The following CAB39L variants were observed in gnomAD, a reference collection of about 807,000 sequenced individuals.
CAB39L encodes calcium-binding protein 39-like.
A neutral mutation model predicts 39.1 loss-of-function variants in CAB39L; 23 were observed. The ratio of observed to expected loss-of-function variants is 0.59; its 90% CI spans 0.42 to 0.83. CAB39L has a LOEUF of 0.83. Among genes scored for constraint, CAB39L ranks in the 40% least tolerant of loss-of-function variants. The pLI, the probability that CAB39L is intolerant of heterozygous loss-of-function variation, is 0.00. For missense variants in CAB39L, 366 were observed against 391.9 expected (o/e 0.93, Z 0.56); for synonymous variants, 126 against 137.2 (o/e 0.92, Z 0.57).
At chr13:49,410,773 A>G (rs1193400204) in intron 3 of CAB39L, among the ~76,000 whole-genome samples, 2 of 152,248 alleles carry the variant, frequency 1.3e-5, no homozygotes, top group Non-Finnish European at 2.9e-5. Flanking sequence ...TAGCATTTGC[A>G]ATATAACATA....
At position 49,332,049 on chromosome 13, in the gene CAB39L, G is replaced by A; in HGVS notation, c.732C>T (p.Ile244=). The A allele has an allele frequency of 3.1e-6, 5 of 1,614,114 alleles. No individual in the cohort carries two copies. Among genetic ancestry groups the A allele is most frequent in the South Asian group, 1.1e-5 (1 of 91,082 alleles). ...CCGGCTTGCTGATATACTTTGTCAT[G>A]ATGGCAAAGTTGTGACGGTCCAGGA... ...ELILDRHNFA[I]MTKYISKPEN... is the part of the protein sequence containing the mutation. Residue 244 remains isoleucine, a synonymous_variant, in exon 10 of 11, where the codon ATC becomes ATT. Transcript: ENST00000409308.
chr13:49,393,788 T>C (rs925529671), intron 3 of CAB39L, among the ~76,000 whole-genome samples: 3 of 151,928 alleles, frequency 2.0e-5, no homozygotes, highest in Non-Finnish European at 4.4e-5. Flanking sequence ...CAATCAAATG[T>C]CCAAAAAAAT....
At chr13:49,407,542 C>CA (rs1274682936) in intron 3 of CAB39L, among the ~76,000 whole-genome samples, 2 of 151,634 alleles carry the variant, frequency 1.3e-5, no homozygotes, top group Non-Finnish European at 2.9e-5. Flanking sequence ...GATCCCCCCC[C>CA]AAAAAAATCA....
At chr13:49,384,213 T>G (rs7991646) in intron 3 of CAB39L, among the ~76,000 whole-genome samples, 81,349 of 152,082 alleles carry the variant, frequency 0.53, 23,056 homozygotes, top group African/African-American at 0.7. Flanking sequence ...CAGGAGTAGA[T>G]TCCATCTTAA....
intron 9 of CAB39L, among the ~76,000 whole-genome samples, chr13:49,336,164 C>G (rs1954841697): frequency 6.6e-6 from 1 of 150,580 alleles, no homozygotes; most frequent in Non-Finnish European, 1.5e-5. Flanking sequence ...ATTTAATGAG[C>G]TCTATGTTTA....
intron 5 of CAB39L, among the ~76,000 whole-genome samples, chr13:49,368,851 T>C (rs751624816): frequency 2.0e-5 from 3 of 152,058 alleles, no homozygotes; most frequent in Non-Finnish European, 4.4e-5. Context: ...ACCAGAATGA[T>C]TGCTGAAAAA....
At chr13:49,313,256 C>A (rs555357619) in intron 10 of CAB39L, among the ~76,000 whole-genome samples, 1 of 152,038 alleles carries the variant, frequency 6.6e-6, no homozygotes. Flanking sequence ...CCGAGGTGGG[C>A]GGATCACGAA....
intron 3 of CAB39L, among the ~76,000 whole-genome samples, chr13:49,384,192 T>C (rs1956307040): frequency 6.6e-6 from 1 of 152,186 alleles, no homozygotes; most frequent in Non-Finnish European, 1.5e-5. Flanking sequence ...TTGTTGTCAT[T>C]TCATCTTCAG....
chr13:49,401,005 GAAAC>G (rs1257817032), intron 3 of CAB39L: 1 of 152,050 alleles, frequency 6.6e-6, no homozygotes, highest in Non-Finnish European at 1.5e-5. Flanking sequence ...TATGCACAAA[GAAAC>G]AAGGTAACAG....
At chr13:49,440,588 T>C (rs981503308) in intron 1 of CAB39L, among the ~76,000 whole-genome samples, 5 of 152,026 alleles carry the variant, frequency 3.3e-5, no homozygotes, top group South Asian at 2.1e-4. Flanking sequence ...TCTAATGATA[T>C]TGATTCTTCC....
rs566313228 is a variant in CAB39L at position 49,395,209 on chromosome 13, G to A, written c.-31-12268C>T. ...CTTTTTTTTTTAAGTTCAAACTGTG[G>A]AATATCTGATTGTCATGTCTTTTCT... On this transcript the variant is annotated intron_variant, in intron 3 of 10. Coordinates refer to ENST00000409308, the MANE Select transcript of CAB39L (RefSeq NM_001079670.3). 7.6e-4 allele frequency among the ~76,000 whole-genome samples: 115 copies of A among 150,500 alleles called. 1 individual carries two copies. The highest frequency in any genetic ancestry group is 9.3e-4 in the Non-Finnish European group (63 of 67,600).
At chr13:49,385,509 T>G (rs1002172502) in intron 3 of CAB39L, among the ~76,000 whole-genome samples, 12 of 152,256 alleles carry the variant, frequency 7.9e-5, no homozygotes, top group Admixed American at 2.0e-4. Flanking sequence ...ATCCACAGCT[T>G]GGCTAACTTA....
At chr13:49,319,566 T>C (rs1003138684) in intron 10 of CAB39L, among the ~76,000 whole-genome samples, 1 of 151,944 alleles carries the variant, frequency 6.6e-6, no homozygotes, top group Non-Finnish European at 1.5e-5. Flanking sequence ...TACTGAATTG[T>C]ACACTTTAAA....
chr13:49,354,730 G>A (rs189401068), intron 6 of CAB39L, among the ~76,000 whole-genome samples: 113 of 152,278 alleles, frequency 7.4e-4, no homozygotes, highest in Non-Finnish European at 1.0e-4. Flanking sequence ...CTGTGTCAGT[G>A]TGGAGAAGGC....
intron 1 of CAB39L, among the ~76,000 whole-genome samples, chr13:49,441,788 A>T (rs1398231788): frequency 1.3e-5 from 2 of 152,180 alleles, no homozygotes; most frequent in Non-Finnish European, 2.9e-5. Flanking sequence ...GAGATACCCC[A>T]TCATACCTCA....
At chr13:49,359,607 C>T in intron 6 of CAB39L, 107 bp downstream of exon 6, 3 of 609,190 alleles carry the variant, frequency 4.9e-6, no homozygotes, top group Admixed American at 2.7e-5. Flanking sequence ...AATACCTTTA[C>T]TGCAGTTCCA....
intron 1 of CAB39L, among the ~76,000 whole-genome samples, chr13:49,436,496 T>C (rs1957416784): frequency 6.6e-6 from 1 of 151,852 alleles, no homozygotes; most frequent in Admixed American, 6.6e-5. Context: ...GCTCCTTATA[T>C]TCAGTCCAAT....
intron 10 of CAB39L, among the ~76,000 whole-genome samples, chr13:49,321,872 A>C (rs1350838371): frequency 6.6e-6 from 1 of 152,214 alleles, no homozygotes; most frequent in Non-Finnish European, 1.5e-5. Context: ...AGAGTAACAG[A>C]ACACGTTGAT....
intron 10 of CAB39L, among the ~76,000 whole-genome samples, chr13:49,313,931 C>T (rs144448013): frequency 1.8e-4 from 28 of 152,236 alleles, no homozygotes; most frequent in African/African-American, 6.3e-4. Flanking sequence ...AGAAAACTAC[C>T]CTAGGATGTT....
Sources: allele counts gnomAD v4.1 joint callset (sites outside exome capture counted in the v4.1 genomes callset), GRCh38; gene constraint gnomAD v4.1.1; transcripts MANE v1.5; gene names NCBI Gene and HGNC (gene_info 2026-07-23, HGNC 2026-07-21).